The following PTPN4 variants were observed in gnomAD, a reference collection of about 807,000 sequenced individuals.
PTPN4 encodes tyrosine-protein phosphatase non-receptor type 4.
PTPN4 carries 49 observed loss-of-function variants against 135.5 expected under a neutral mutation model. The ratio of observed to expected loss-of-function variants is 0.36; its 90% CI spans 0.29 to 0.46. PTPN4 has a LOEUF of 0.46. PTPN4 is among the 20% of genes least tolerant of loss of function. The pLI is 1.00. For missense variants in PTPN4, 860 were observed against 1,101.0 expected, an observed-to-expected ratio of 0.78 and a Z score of 3.10; for synonymous variants, 333 against 369.9, an observed-to-expected ratio of 0.90 and a Z score of 1.14.
chr2:119,961,566 A>G, intron 23 of PTPN4, among the ~76,000 whole-genome samples: 1 of 152,236 alleles, frequency 6.6e-6, no homozygotes, highest in East Asian at 1.9e-4. Context: ...TAAATCCAAA[A>G]GAGTTGAAAA....
intron 25 of PTPN4, among the ~76,000 whole-genome samples, chr2:119,966,905 C>T (rs550619560): frequency 3.3e-5 from 5 of 152,328 alleles, no homozygotes; most frequent in Admixed American, 1.3e-4. Flanking sequence ...CTCCCTATTA[C>T]GGCCACCTTT....
intron 11 of PTPN4, 144 bp downstream of exon 11, chr2:119,915,386 T>A (rs1678638846): frequency 3.6e-6 from 2 of 554,538 alleles, no homozygotes; most frequent in Admixed American, 4.5e-5. Context: ...AATTCACTTG[T>A]TATAACAAAA....
At position 119,912,657 on chromosome 2, in the gene PTPN4, G is replaced by A. The variant is rs1014883929; in HGVS notation, c.765-2522G>A. On this transcript the variant is annotated intron_variant, in intron 10 of 26. Coordinates refer to ENST00000263708, the MANE Select transcript of PTPN4 (RefSeq NM_002830.4). The stretch of plus-strand genomic sequence containing the variant: ...AAATCCAAGTATGTTAATTATTATC[G>A]AAACTGTAAATATGTTGGATATTCA... Among the ~76,000 whole-genome samples the A allele has an allele frequency of 5.9e-5, 9 of 152,022 alleles. 1 individual carries two copies. Among genetic ancestry groups the A allele is most frequent in the African/African-American group, 1.2e-4 (5 of 41,408 alleles).
chr2:119,946,365 A>G lies in PTPN4; in HGVS notation c.1540A>G (p.Asn514Asp). ...PTPNGGIPHD[N>D]LVLIRMKPDE... ...GCCTAATGGTGGTATTCCACATGAT[A>G]ATCTTGTCCTAATCAGAATGAAACC... The change falls in exon 17 of 27, where the codon AAT (asparagine) becomes GAT (aspartate). Residue 514 changes from asparagine (N) to aspartate (D), a missense_variant. Asn to Asp is a conservative substitution (Grantham distance 23). Coordinates refer to ENST00000263708, the MANE Select transcript of PTPN4 (RefSeq NM_002830.4). 2.5e-6 allele frequency: 4 copies of G among 1,608,510 alleles called. No individual in the cohort carries two copies. Among genetic ancestry groups the G allele is most frequent in the Non-Finnish European group, 3.4e-6 (4 of 1,177,582 alleles).
chr2:119,798,291 C>T (rs1015627450), intron 1 of PTPN4, among the ~76,000 whole-genome samples: 64 of 152,048 alleles, frequency 4.2e-4, no homozygotes, highest in Admixed American at 2.2e-3. Context: ...CTCAGCCTAC[C>T]GGGTAGCTGG....
chr2:119,886,466 A>G (rs188970015), intron 9 of PTPN4, among the ~76,000 whole-genome samples: 1 of 152,288 alleles, frequency 6.6e-6, no homozygotes, highest in East Asian at 1.9e-4. Flanking sequence ...TGGCATAAGC[A>G]TATTTGTGAG....
chr2:119,959,239 G>T (rs1679330216), intron 22 of PTPN4, among the ~76,000 whole-genome samples: 1 of 97,342 alleles, frequency 1.0e-5, no homozygotes, highest in Admixed American at 1.2e-4. Flanking sequence ...CTCTGATAAG[G>T]CCTTTTTTTT....
chr2:119,945,596 A>G (rs1679121049), intron 16 of PTPN4, among the ~76,000 whole-genome samples: 1 of 85,822 alleles, frequency 1.2e-5, no homozygotes, highest in African/African-American at 3.4e-5. Flanking sequence ...CTTAAAGTAT[A>G]ATAATAATAA....
chr2:119,868,728 GC>G (rs1301147705), intron 3 of PTPN4, among the ~76,000 whole-genome samples: 4 of 152,068 alleles, frequency 2.6e-5, no homozygotes, highest in Non-Finnish European at 5.9e-5. Context: ...CTTTAATTCG[GC>G]CCATCCCTTC....
At chr2:119,813,917 T>G (rs529458320) in intron 2 of PTPN4, among the ~76,000 whole-genome samples, 4 of 152,106 alleles carry the variant, frequency 2.6e-5, no homozygotes, top group African/African-American at 4.8e-5. Flanking sequence ...CTACCATATT[T>G]AAGGAGTCAG....
At chr2:119,848,526 TG>T (rs1172170486) in intron 2 of PTPN4, among the ~76,000 whole-genome samples, 1 of 152,074 alleles carries the variant, frequency 6.6e-6, no homozygotes, top group Non-Finnish European at 1.5e-5. Flanking sequence ...CCTCTCCTTC[TG>T]GTACTGTCAT....
intron 2 of PTPN4, among the ~76,000 whole-genome samples, chr2:119,812,003 C>G (rs1676890529): frequency 6.6e-6 from 1 of 151,962 alleles, no homozygotes; most frequent in African/African-American, 2.4e-5. Context: ...TAGAAACTTT[C>G]TCTACCATTA....
At chr2:119,800,296 G>A (rs753080652) in intron 1 of PTPN4, among the ~76,000 whole-genome samples, 1 of 152,130 alleles carries the variant, frequency 6.6e-6, no homozygotes, top group Non-Finnish European at 1.5e-5. Flanking sequence ...ATAGGTATAT[G>A]GTGGTATCTC....
intron 14 of PTPN4, among the ~76,000 whole-genome samples, chr2:119,932,797 G>A (rs1433093801): frequency 4.6e-5 from 7 of 152,144 alleles, no homozygotes; most frequent in African/African-American, 1.7e-4. Context: ...CTCCTCAACA[G>A]TTAACTTTCG....
At chr2:119,875,144 T>C (rs1677966992) in intron 3 of PTPN4, among the ~76,000 whole-genome samples, 1 of 152,180 alleles carries the variant, frequency 6.6e-6, no homozygotes, top group Non-Finnish European at 1.5e-5. Flanking sequence ...AACTTGTTTA[T>C]ATATTATGTT....
intron 22 of PTPN4, among the ~76,000 whole-genome samples, chr2:119,959,691 A>C (rs911435836): frequency 6.6e-6 from 1 of 152,218 alleles, no homozygotes; most frequent in Admixed American, 6.5e-5. Context: ...CATCGCTGGC[A>C]GGCTATGGGA....
At chr2:119,835,418 C>T (rs1462399358) in intron 2 of PTPN4, among the ~76,000 whole-genome samples, 2 of 152,068 alleles carry the variant, frequency 1.3e-5, no homozygotes, top group Admixed American at 6.5e-5. Context: ...CTCCTGACCT[C>T]GTGACCCACC....
At chr2:119,865,810 C>A (rs1480197143) in intron 3 of PTPN4, among the ~76,000 whole-genome samples, 1 of 152,066 alleles carries the variant, frequency 6.6e-6, no homozygotes, top group African/African-American at 2.4e-5. Flanking sequence ...AGAATTAGAA[C>A]TGTTGCCTTA....
chr2:119,955,291 C>T lies in PTPN4; in HGVS notation c.1948C>T (p.Leu650Phe). 6.2e-7 allele frequency: 1 copy of T among 1,611,154 alleles called. No individual in the cohort carries two copies. The highest frequency in any genetic ancestry group is 1.1e-5 in the South Asian group (1 of 90,140). ...RESMIQLAEGLITGTVLTQFD... is the reference protein window; with the variant it reads ...RESMIQLAEGFITGTVLTQFD... ...GTCAATGATCCAGCTAGCTGAGGGG[C>T]TTATCACTGGAACAGTCCTGACACA... is the stretch of plus-strand genomic sequence containing the variant. The change falls in exon 20 of 27, where the codon CTT becomes TTT. Residue 650 changes from leucine (L) to phenylalanine (F), a missense_variant. Transcript: ENST00000263708.
Sources: gnomAD v4.1 joint callset for allele counts (sites outside exome capture counted in the v4.1 genomes callset) on GRCh38, gnomAD v4.1.1 for gene constraint, MANE v1.5 for transcripts, NCBI Gene and HGNC (gene_info 2026-07-23, HGNC 2026-07-21) for gene names.